Variants in COG5 observed in about 807,000 individuals in gnomAD.
The protein encoded by COG5 is component of oligomeric golgi complex 5.
In COG5, 86 loss-of-function variants were observed where a neutral mutation model predicts 110.4. That is an observed-to-expected ratio of 0.78 (90% CI 0.65 to 0.93). The LOEUF (loss-of-function observed/expected upper bound fraction) is 0.93, where lower values mean the gene tolerates loss of function less well. Among genes scored for constraint, COG5 ranks in the 40% least tolerant of loss-of-function variants. COG5 has a pLI of 0.00. For synonymous variants in COG5, 360 were observed against 334.6 expected (o/e 1.08, Z -0.83); for missense variants, 1,077 against 987.0 (o/e 1.09, Z -1.22).
intron 6 of COG5, among the ~76,000 whole-genome samples, chr7:107,494,379 G>A (rs1798143847): frequency 3.3e-5 from 5 of 152,124 alleles, no homozygotes; most frequent in Admixed American, 3.3e-4. Context: ...GCCACATAAT[G>A]ATGTTTTAAT....
chr7:107,337,181 C>T (rs1281107273), intron 10 of COG5, among the ~76,000 whole-genome samples: 1 of 151,880 alleles, frequency 6.6e-6, no homozygotes, highest in Admixed American at 6.6e-5. Flanking sequence ...GAAAAAGGAA[C>T]ACTTACGCAT....
At chr7:107,249,219 C>G (rs1487922005) in intron 16 of COG5, among the ~76,000 whole-genome samples, 1 of 151,886 alleles carries the variant, frequency 6.6e-6, no homozygotes, top group Admixed American at 6.6e-5. Context: ...GTTTTGTTCC[C>G]CAGGAAACAT....
chr7:107,210,332 G>T (rs1799071190), intron 21 of COG5, 194 bp downstream of exon 21: 1 of 1,432,088 alleles, frequency 7.0e-7, no homozygotes, highest in Non-Finnish European at 9.1e-7. Flanking sequence ...ATGAAAGAAA[G>T]CAAAAGATGT....
At chr7:107,558,469 T>C (rs961117353) in intron 1 of COG5, among the ~76,000 whole-genome samples, 12 of 151,990 alleles carry the variant, frequency 7.9e-5, no homozygotes, top group African/African-American at 2.9e-4. Context: ...CTGGGCATCA[T>C]GGCGGGTGCC....
In COG5 at chr7:107,344,743, T is replaced by TG. The variant is rs1405828296; in HGVS notation, c.1026+17289dup. Among the ~76,000 whole-genome samples the TG allele has an allele frequency of 2.6e-5, 4 of 152,252 alleles. No homozygotes were observed. The East Asian group carries it at 7.7e-4, about 29-fold the overall frequency. On this transcript the variant is annotated intron_variant, in intron 10 of 21. Transcript: ENST00000297135. ...TTCTCCACGTTGGTCAGGCTGGTCT[T>TG]GAACTCCCAACCTCAGGTGATTCAC...
intron 6 of COG5, among the ~76,000 whole-genome samples, chr7:107,417,583 G>C (rs988665209): frequency 6.6e-6 from 1 of 152,006 alleles, no homozygotes; most frequent in African/African-American, 2.4e-5. Flanking sequence ...AGAATTATTG[G>C]ATCAAAGTAA....
At chr7:107,306,460 C>G (rs1219754984) in intron 11 of COG5, among the ~76,000 whole-genome samples, 2 of 151,946 alleles carry the variant, frequency 1.3e-5, no homozygotes, top group Non-Finnish European at 2.9e-5. Flanking sequence ...ATAAAACAGA[C>G]CTTTGTAAAA....
At chr7:107,210,740 G>C (rs750702991) in intron 20 of COG5, 135 bp from the exon 21 acceptor site, 3 of 997,162 alleles carry the variant, frequency 3.0e-6, no homozygotes, top group Non-Finnish European at 4.6e-6. Flanking sequence ...GAAGTGTGAA[G>C]GGGGCATAGG....
intron 6 of COG5, among the ~76,000 whole-genome samples, chr7:107,431,283 A>G (rs1794009949): frequency 6.6e-6 from 1 of 152,250 alleles, no homozygotes; most frequent in South Asian, 2.1e-4. Context: ...AAAATAAAAA[A>G]GAATGAAATT....
intron 6 of COG5, among the ~76,000 whole-genome samples, chr7:107,486,092 A>G (rs536774856): frequency 4.5e-4 from 68 of 152,216 alleles, no homozygotes; most frequent in Non-Finnish European, 7.5e-4. Context: ...AGACAGAGAT[A>G]AAGCTGAAAA....
chr7:107,289,720 A>C (rs2116857675), intron 12 of COG5, among the ~76,000 whole-genome samples: 1 of 152,276 alleles, frequency 6.6e-6, no homozygotes, highest in African/African-American at 2.4e-5. Flanking sequence ...TCCTTTTGTT[A>C]AAGTTATTCC....
At chr7:107,239,165 AT>A (rs1801428239) in intron 17 of COG5, among the ~76,000 whole-genome samples, 1 of 152,138 alleles carries the variant, frequency 6.6e-6, no homozygotes, top group African/African-American at 2.4e-5. Context: ...GTCCAATTTC[AT>A]TCTTCTGCAT....
chr7:107,454,174 G>T (rs1342574435), intron 6 of COG5, among the ~76,000 whole-genome samples: 2 of 152,050 alleles, frequency 1.3e-5, no homozygotes, highest in Non-Finnish European at 2.9e-5. Context: ...TCTAAACACA[G>T]AATCCAATAT....
At chr7:107,508,556 A>G (rs968719461) in intron 6 of COG5, among the ~76,000 whole-genome samples, 2 of 152,224 alleles carry the variant, frequency 1.3e-5, no homozygotes, top group African/African-American at 4.8e-5. Flanking sequence ...ACGCAGCTGG[A>G]GATCTGAGAA....
chr7:107,265,120 T>C (rs2116676563), intron 14 of COG5, among the ~76,000 whole-genome samples: 1 of 152,262 alleles, frequency 6.6e-6, no homozygotes, highest in South Asian at 2.1e-4. Context: ...ATTATAAACA[T>C]TAAAAGGATG....
At chr7:107,299,585 T>C (rs1238905559) in intron 11 of COG5, among the ~76,000 whole-genome samples, 1 of 151,924 alleles carries the variant, frequency 6.6e-6, no homozygotes, top group African/African-American at 2.4e-5. Flanking sequence ...TGGTGAATTT[T>C]ATCAAGCAAT....
intron 5 of COG5, among the ~76,000 whole-genome samples, chr7:107,529,790 G>T (rs1801054728): frequency 6.6e-6 from 1 of 152,024 alleles, no homozygotes; most frequent in Admixed American, 6.6e-5. Context: ...ATGTACCTTG[G>T]TCTCTTTTTC....
At chr7:107,513,491 G>A (rs888131379) in intron 6 of COG5, among the ~76,000 whole-genome samples, 13 of 152,278 alleles carry the variant, frequency 8.5e-5, no homozygotes, top group African/African-American at 2.6e-4. Flanking sequence ...TCAGTGTGGC[G>A]ATTCCTCAGG....
At chr7:107,506,826 C>T (rs915616221) in intron 6 of COG5, among the ~76,000 whole-genome samples, 1 of 152,218 alleles carries the variant, frequency 6.6e-6, no homozygotes, top group Non-Finnish European at 1.5e-5. Context: ...CACTCACCCT[C>T]TGGTTCTGGC....
Sources: gnomAD v4.1 joint callset for allele counts (sites outside exome capture counted in the v4.1 genomes callset) on GRCh38, gnomAD v4.1.1 for gene constraint, MANE v1.5 for transcripts, NCBI Gene and HGNC (gene_info 2026-07-23, HGNC 2026-07-21) for gene names.